CERS6: variants seen among roughly 807,000 people sequenced by gnomAD.
CERS6 encodes ceramide synthase 6.
In CERS6, 26 loss-of-function variants were observed where a neutral mutation model predicts 56.8. That is an observed-to-expected ratio of 0.46 (90% confidence interval 0.34 to 0.63). The LOEUF (loss-of-function observed/expected upper bound fraction) is 0.63, where lower values mean the gene tolerates loss of function less well. Ranked by LOEUF, CERS6 falls within the 30% of genes least tolerant of loss-of-function variation. CERS6 has a pLI of 0.01. For synonymous variants in CERS6, 164 were observed against 173.3 expected (o/e 0.95, Z 0.42); for missense variants, 415 against 467.5 (o/e 0.89, Z 1.04).
At chr2:168,674,643 G>C (rs904622164) in intron 4 of CERS6, among the ~76,000 whole-genome samples, 3 of 152,216 alleles carry the variant, frequency 2.0e-5, no homozygotes, top group Admixed American at 1.3e-4. Flanking sequence ...CAGTAATGTA[G>C]CAAAGAAACT....
chr2:168,747,947 A>G (rs1226762055), intron 8 of CERS6, among the ~76,000 whole-genome samples: 1 of 152,154 alleles, frequency 6.6e-6, no homozygotes, highest in Non-Finnish European at 1.5e-5. Context: ...TTTACTTTGT[A>G]TTTATTGGAT....
chr2:168,734,906 A>T (rs573757626), intron 8 of CERS6, among the ~76,000 whole-genome samples: 14 of 152,316 alleles, frequency 9.2e-5, no homozygotes, highest in African/African-American at 3.4e-4. Context: ...TTGTTGACTT[A>T]AAAAAACTCT....
chr2:168,677,758 A>G (rs377700516), intron 4 of CERS6, among the ~76,000 whole-genome samples: 1 of 152,156 alleles, frequency 6.6e-6, no homozygotes, highest in African/African-American at 2.4e-5. Context: ...CGGCCTCCCA[A>G]AGTGCTGAGA....
chr2:168,635,324 A>G (rs773026328), intron 4 of CERS6, among the ~76,000 whole-genome samples: 2 of 152,208 alleles, frequency 1.3e-5, no homozygotes, highest in Non-Finnish European at 2.9e-5. Flanking sequence ...TGGAAAAACT[A>G]CAAATTGGAA....
At chr2:168,471,464 T>C (rs1354486585) in intron 1 of CERS6, among the ~76,000 whole-genome samples, 4 of 152,252 alleles carry the variant, frequency 2.6e-5, no homozygotes, top group Non-Finnish European at 5.9e-5. Flanking sequence ...AAATGTTCTT[T>C]CTGTTCTCAA....
intron 3 of CERS6, among the ~76,000 whole-genome samples, chr2:168,581,826 C>G (rs1046729806): frequency 1.3e-5 from 2 of 152,154 alleles, no homozygotes; most frequent in Admixed American, 6.6e-5. Flanking sequence ...TTGTGTACTA[C>G]TCTTTGTTCT....
At chr2:168,467,175 G>T (rs1693896601) in intron 1 of CERS6, among the ~76,000 whole-genome samples, 1 of 152,226 alleles carries the variant, frequency 6.6e-6, no homozygotes, top group Admixed American at 6.5e-5. Flanking sequence ...AAGAGTGGGG[G>T]AGGGTGTTTA....
intron 8 of CERS6, among the ~76,000 whole-genome samples, chr2:168,743,995 C>CTTTTTTTTTTT (rs58256507): frequency 9.9e-4 from 63 of 63,408 alleles, no homozygotes; most frequent in African/African-American, 4.0e-3. Context: ...TCTTTTTTTT[C>CTTTTTTTTTTT]TTTTTTTTTT....
chr2:168,470,123 G>A (rs957725443), intron 1 of CERS6, among the ~76,000 whole-genome samples: 1 of 150,748 alleles, frequency 6.6e-6, no homozygotes, highest in Non-Finnish European at 1.5e-5. Flanking sequence ...AGTAACTCAT[G>A]CCTGTAATCT....
At chr2:168,584,079 A>G (rs1456075786) in intron 3 of CERS6, among the ~76,000 whole-genome samples, 1 of 152,228 alleles carries the variant, frequency 6.6e-6, no homozygotes, top group African/African-American at 2.4e-5. Context: ...CACGATAGGT[A>G]GTGAGAGTCA....
chr2:168,507,863 C>A (rs1034213991), intron 1 of CERS6, among the ~76,000 whole-genome samples: 1 of 152,098 alleles, frequency 6.6e-6, no homozygotes. Flanking sequence ...TCTCTTTCTT[C>A]TCTGGGAAAG....
At chr2:168,671,921 G>A (rs193014286) in intron 4 of CERS6, among the ~76,000 whole-genome samples, 1 of 152,272 alleles carries the variant, frequency 6.6e-6, no homozygotes, top group Admixed American at 6.5e-5. Flanking sequence ...TCTTAGAAAT[G>A]CTAGTTGAAG....
intron 4 of CERS6, among the ~76,000 whole-genome samples, chr2:168,662,217 C>G (rs889265236): frequency 6.9e-6 from 1 of 145,632 alleles, no homozygotes; most frequent in Non-Finnish European, 1.5e-5. Flanking sequence ...TATACTTTTT[C>G]TAACCAACTT....
chr2:168,473,709 G>A (rs188007990), intron 1 of CERS6, among the ~76,000 whole-genome samples: 38 of 151,636 alleles, frequency 2.5e-4, no homozygotes, highest in Non-Finnish European at 4.4e-4. Context: ...GTCTCATTAG[G>A]AAACTCCCCA....
intron 3 of CERS6, among the ~76,000 whole-genome samples, chr2:168,597,432 C>A (rs953586567): frequency 2.0e-5 from 3 of 152,208 alleles, no homozygotes; most frequent in African/African-American, 7.2e-5. Context: ...AGTAATGAAT[C>A]TGTCGGATGA....
chr2:168,771,808 A>T lies in CERS6; in HGVS notation c.*2146A>T, dbSNP rs1684866025. The T allele has an allele frequency of 6.6e-6, 1 of 152,224 alleles. No homozygotes were observed. Among genetic ancestry groups the T allele is most frequent in the African/African-American group, 2.4e-5 (1 of 41,464 alleles). The allele number at this position is 152,224 out of a possible 1,614,324, so 9.4% of individuals were successfully genotyped here. A position where few individuals can be genotyped will look rare whatever the true frequency, so the allele number is the denominator to read the frequency against. ...TCTTGTAAATTAAAGGTTTAGAAGAATTGCATAAAACGTAGTAAATGGGGT... is the reference window on the plus strand; with the variant it reads ...TCTTGTAAATTAAAGGTTTAGAAGATTTGCATAAAACGTAGTAAATGGGGT... On this transcript the variant is annotated 3_prime_UTR_variant, in exon 10 of 10. Transcript: ENST00000305747.
At chr2:168,519,802 T>C (rs760431212) in intron 1 of CERS6, among the ~76,000 whole-genome samples, 1 of 152,236 alleles carries the variant, frequency 6.6e-6, no homozygotes, top group Non-Finnish European at 1.5e-5. Flanking sequence ...CCATTACTTT[T>C]AATACCATAT....
In CERS6 at chr2:168,673,916, T is replaced by C. The variant is rs575092870; in HGVS notation, c.466-17118T>C. The stretch of plus-strand genomic sequence containing the variant: ...TTTTTTCTTTTAATATATTCACTTA[T>C]GTAAAATATGTCTTCCATGGCCATA... On this transcript the variant is annotated intron_variant, in intron 4 of 9. Coordinates refer to ENST00000305747, the MANE Select transcript of CERS6 (RefSeq NM_203463.3). 3.9e-5 allele frequency among the ~76,000 whole-genome samples: 6 copies of C among 152,340 alleles called. No homozygotes were observed. In the South Asian group the frequency reaches 1.2e-3, roughly 32 times the overall value.
rs74857447 is a variant in CERS6 at position 168,761,382 on chromosome 2, G to A, written c.846-4210G>A. On this transcript the variant is annotated intron_variant, in intron 8 of 9. Transcript: ENST00000305747. The stretch of plus-strand genomic sequence containing the variant: ...TGACATCCTGTTCAAATTAAGCCAA[G>A]CGGTAGCATCAGTCCTAGCATCACA... Among the ~76,000 whole-genome samples the A allele has an allele frequency of 3.8e-3, 586 of 152,314 alleles. 3 individuals carry two copies. The highest frequency in any genetic ancestry group is 0.013 in the African/African-American group (549 of 41,554).
Sources: allele counts gnomAD v4.1 joint callset (sites outside exome capture counted in the v4.1 genomes callset), GRCh38; gene constraint gnomAD v4.1.1; transcripts MANE v1.5; gene names NCBI Gene and HGNC (gene_info 2026-07-23, HGNC 2026-07-21).